Variants in PBX4 observed in about 807,000 individuals in gnomAD.
PBX4 encodes the protein pre-B-cell leukemia transcription factor 4.
In PBX4, 26 loss-of-function variants were observed where a neutral mutation model predicts 35.1. That is an observed-to-expected ratio of 0.74 (90% CI 0.54 to 1.03). The LOEUF is 1.03. PBX4 is among the 50% of genes least tolerant of loss of function. PBX4 has a pLI of 0.00. For missense variants in PBX4, 448 were observed against 504.3 expected (o/e 0.89, Z 1.07); for synonymous variants, 199 against 204.2 (o/e 0.97, Z 0.22).
chr19:19,613,445 CAAAAAAAAAAAAAA>C (rs57256131), intron 1 of PBX4, among the ~76,000 whole-genome samples: 113 of 113,614 alleles, frequency 9.9e-4, no homozygotes, highest in Non-Finnish European at 1.0e-3. Flanking sequence ...GACTCTGTCT[CAAAAAAAAAAAAAA>C]AAAAAAAAAA....
chr19:19,594,470 C>T (rs917482531), intron 2 of PBX4, among the ~76,000 whole-genome samples: 1 of 151,956 alleles, frequency 6.6e-6, no homozygotes, highest in African/African-American at 2.4e-5. Flanking sequence ...TGGGGCGACA[C>T]CAGCGGTTGA....
Position 19,563,438 on chromosome 19 carries a change from G to A in PBX4, c.1032+71C>T. The A allele has an allele frequency of 7.9e-7, 1 of 1,271,692 alleles. No homozygotes were observed. The highest frequency in any genetic ancestry group is 1.5e-5 in the African/African-American group (1 of 66,622). 78.8% of individuals were successfully genotyped at this position (1,271,692 alleles called of 1,614,324 possible). Reference sequence around the variant, plus strand: ...GGAAGCTGCCCCAAGGCCGAGGGGTGGCTGACAAGACGACCCTTTCTGAGA... The same window carrying A: ...GGAAGCTGCCCCAAGGCCGAGGGGTAGCTGACAAGACGACCCTTTCTGAGA... On this transcript the variant is annotated intron_variant, in intron 7 of 7. Coordinates refer to ENST00000251203, the MANE Select transcript of PBX4 (RefSeq NM_025245.3). The surrounding 1 kb of genome is among the most constrained non-coding windows in gnomAD (Gnocchi z 5.1).
chr19:19,585,091 G>A (rs943326783), intron 2 of PBX4, among the ~76,000 whole-genome samples: 6 of 151,992 alleles, frequency 3.9e-5, no homozygotes, highest in Admixed American at 1.3e-4. Flanking sequence ...TCTAGGACAG[G>A]CGCTAGAACA....
In PBX4 at chr19:19,573,787, T is replaced by C. The variant is rs555577405; in HGVS notation, c.194-2954A>G. Among the ~76,000 whole-genome samples the C allele has an allele frequency of 1.2e-4, 18 of 152,230 alleles. No homozygotes were observed. The South Asian group carries it at 3.7e-3, about 32-fold the overall frequency. ...CTCTGTGTCCCAGGCTGGAGTGCAA[T>C]AGCACAATCTTGGCTCACTGCAACC... On this transcript the variant is annotated intron_variant, in intron 2 of 7. Coordinates refer to ENST00000251203, the MANE Select transcript of PBX4 (RefSeq NM_025245.3).
At chr19:19,601,687 G>C (rs561853324) in intron 1 of PBX4, among the ~76,000 whole-genome samples, 7 of 152,220 alleles carry the variant, frequency 4.6e-5, no homozygotes, top group Non-Finnish European at 7.4e-5. Context: ...ATGATGTAAG[G>C]GTTGGAGAGA....
At chr19:19,573,877 T>G (rs1372651667) in intron 2 of PBX4, among the ~76,000 whole-genome samples, 1 of 151,966 alleles carries the variant, frequency 6.6e-6, no homozygotes, top group Non-Finnish European at 1.5e-5. Context: ...TTACAGGCGC[T>G]CGCCACCATG....
intron 1 of PBX4, among the ~76,000 whole-genome samples, chr19:19,605,986 G>A (rs2061628823): frequency 2.0e-5 from 3 of 151,898 alleles, no homozygotes; most frequent in Non-Finnish European, 2.9e-5. Flanking sequence ...CCCAAGCTTT[G>A]AGCATGTCTT....
intron 1 of PBX4, among the ~76,000 whole-genome samples, chr19:19,613,686 G>A (rs1372482983): frequency 1.3e-5 from 2 of 152,106 alleles, no homozygotes; most frequent in Non-Finnish European, 2.9e-5. Flanking sequence ...CCTCTGCGGT[G>A]ACATTCCTGG....
chr19:19,583,732 C>T (rs894913232), intron 2 of PBX4, among the ~76,000 whole-genome samples: 1 of 152,124 alleles, frequency 6.6e-6, no homozygotes, highest in Non-Finnish European at 1.5e-5. Flanking sequence ...GGGGGAATCA[C>T]CTGAGGTCAG....
chr19:19,578,854 GC>G (rs2061436437), intron 2 of PBX4, among the ~76,000 whole-genome samples: 2 of 152,102 alleles, frequency 1.3e-5, no homozygotes, highest in South Asian at 4.1e-4. Flanking sequence ...TAAGGATGTG[GC>G]CCTGATCTGA....
At chr19:19,581,918 G>A (rs1190920446) in intron 2 of PBX4, among the ~76,000 whole-genome samples, 5 of 152,156 alleles carry the variant, frequency 3.3e-5, no homozygotes, top group Admixed American at 2.0e-4. Context: ...AGCAGGAGAC[G>A]AGACTGGCTG....
chr19:19,584,566 C>T (rs183972066), intron 2 of PBX4, among the ~76,000 whole-genome samples: 2 of 152,048 alleles, frequency 1.3e-5, no homozygotes, highest in East Asian at 3.9e-4. Context: ...AACTTCCCCT[C>T]CCCTCCACAC....
In PBX4 at chr19:19,608,914, C is replaced by T. The variant is rs1599381516; in HGVS notation, c.120-9549G>A. On this transcript the variant is annotated intron_variant, in intron 1 of 7. Transcript: ENST00000251203. Reference sequence around the variant, plus strand: ...CCGCACTCTCCAATGTCTGCCTCTCCAAATAATGAATCTCCTTTCAGAACT... The same window carrying T: ...CCGCACTCTCCAATGTCTGCCTCTCTAAATAATGAATCTCCTTTCAGAACT... 3.9e-5 allele frequency among the ~76,000 whole-genome samples: 6 copies of T among 152,298 alleles called. 1 individual carries two copies. The South Asian group carries it at 1.2e-3, about 32-fold the overall frequency.
chr19:19,599,873 T>A lies in PBX4; in HGVS notation c.120-508A>T, dbSNP rs765007177. ...CTGTAATCCCAGTTACTCAGGAGGC[T>A]GAGGCAGGAGAATTGCTTAGACCCG... On this transcript the variant is annotated intron_variant, in intron 1 of 7. Coordinates refer to ENST00000251203, the MANE Select transcript of PBX4 (RefSeq NM_025245.3). Among the ~76,000 whole-genome samples the A allele has an allele frequency of 7.3e-5, 11 of 151,062 alleles. No homozygotes were observed. In the South Asian group the frequency reaches 1.3e-3, roughly 17 times the overall value.
At chr19:19,609,177 C>G (rs2061648268) in intron 1 of PBX4, among the ~76,000 whole-genome samples, 1 of 152,076 alleles carries the variant, frequency 6.6e-6, no homozygotes, top group Non-Finnish European at 1.5e-5. Context: ...GGCAGTACAG[C>G]CTCAGAGTTC....
At chr19:19,607,993 T>G (rs751248652) in intron 1 of PBX4, 1 of 152,206 alleles carries the variant, frequency 6.6e-6, no homozygotes, top group Non-Finnish European at 1.5e-5. Context: ...AGCAATATTA[T>G]ACATCTCCTG....
chr19:19,570,137 T>G lies in PBX4; in HGVS notation c.604A>C (p.Thr202Pro), dbSNP rs1256302332. The change falls in exon 4 of 8, where the codon ACC becomes CCC. Residue 202 changes from threonine to proline, a missense_variant. By Grantham distance (38) the Thr-to-Pro change is conservative (BLOSUM62 -1). Transcript: ENST00000251203. ...GCATCGAGCAGCCGCGAACGCAGGG[T>G]CATCACTGCCTCACAGGTGCTCTGC... ...LKQSTCEAVM[T>P]LRSRLLDARR... 1 of 1,611,718 alleles carries G rather than the reference T, an allele frequency of 6.2e-7. No individual in the cohort carries two copies. The highest frequency in any genetic ancestry group is 8.5e-7 in the Non-Finnish European group (1 of 1,178,864).
chr19:19,599,027 G>A lies in PBX4; in HGVS notation c.193+265C>T, dbSNP rs2061578856. ...CTTGTTGCCCAGGCTGGAGTGCAAT[G>A]GCGCGATCTTGGCTCACCGCAACCT... On this transcript the variant is annotated intron_variant, in intron 2 of 7. Transcript: ENST00000251203. Among the ~76,000 whole-genome samples, 4 of 150,750 alleles carry A rather than the reference G, an allele frequency of 2.7e-5. No individual in the cohort carries two copies. In the South Asian group the frequency reaches 8.4e-4, roughly 32 times the overall value.
chr19:19,613,192 G>A (rs1478971915), intron 1 of PBX4, among the ~76,000 whole-genome samples: 1 of 151,376 alleles, frequency 6.6e-6, no homozygotes, highest in African/African-American at 2.4e-5. Flanking sequence ...CTGGCAGGGC[G>A]TGGTGGTTTA....
Sources: gnomAD v4.1 joint callset for allele counts (sites outside exome capture counted in the v4.1 genomes callset) on GRCh38, gnomAD v4.1.1 for gene constraint, Gnocchi (gnomAD v3.1) non-coding constraint, MANE v1.5 for transcripts, NCBI Gene and HGNC (gene_info 2026-07-23, HGNC 2026-07-21) for gene names.